AKT3: variants seen among roughly 807,000 people sequenced by gnomAD.
AKT3 encodes the protein RAC-gamma serine/threonine-protein kinase.
Under a neutral mutation model 65.3 loss-of-function variants are expected in AKT3, and 15 were observed. The observed-to-expected ratio is 0.23, with a 90% confidence interval of 0.15 to 0.35. AKT3 has a LOEUF of 0.35. Among genes scored for constraint, AKT3 ranks in the 10% least tolerant of loss-of-function variants. The pLI, the probability that AKT3 is intolerant of heterozygous loss-of-function variation, is 1.00. For synonymous variants in AKT3, 206 were observed against 183.8 expected (o/e 1.12, Z -0.98); for missense variants, 243 against 576.5 (o/e 0.42, Z 5.92).
At chr1:243,586,101 C>T (rs1234753340) in intron 8 of AKT3, among the ~76,000 whole-genome samples, 1 of 152,140 alleles carries the variant, frequency 6.6e-6, no homozygotes, top group Admixed American at 6.6e-5. Flanking sequence ...AGAAGACATA[C>T]AAGCAGCCAC....
At chr1:243,729,577 C>G (rs1442578850) in intron 2 of AKT3, among the ~76,000 whole-genome samples, 1 of 152,036 alleles carries the variant, frequency 6.6e-6, no homozygotes, top group Admixed American at 6.5e-5. Flanking sequence ...AAAAAAAGAT[C>G]TGAAATCTAT....
chr1:243,830,789 A>C (rs1008321199), intron 2 of AKT3, among the ~76,000 whole-genome samples: 2 of 152,202 alleles, frequency 1.3e-5, no homozygotes, highest in Non-Finnish European at 2.9e-5. Flanking sequence ...CATAAAAACT[A>C]CAATATTCCC....
chr1:243,555,128 A>G (rs1461066074), intron 10 of AKT3, among the ~76,000 whole-genome samples: 1 of 152,210 alleles, frequency 6.6e-6, no homozygotes, highest in African/African-American at 2.4e-5. Flanking sequence ...ACATAATGCT[A>G]TAATTAGAAC....
rs75501435 is a variant in AKT3, at chr1:243,530,292, T to A, written c.1251+15218A>T. Reference sequence around the variant, plus strand: ...ACATGGATGGTTTAACTTCAGCAAATTTTTAAAAACCTGAAATCATACCAA... The same window carrying A: ...ACATGGATGGTTTAACTTCAGCAAAATTTTAAAAACCTGAAATCATACCAA... On this transcript the variant is annotated intron_variant, in intron 12 of 13. Coordinates refer to ENST00000673466, the MANE Select transcript of AKT3 (RefSeq NM_005465.7). Among the ~76,000 whole-genome samples the A allele has an allele frequency of 9.5e-3, 1,447 of 152,222 alleles. 20 individuals are homozygous for A. Among genetic ancestry groups the A allele is most frequent in the African/African-American group, 0.033 (1,364 of 41,524 alleles).
chr1:243,815,847 G>A (rs1427357704), intron 2 of AKT3, among the ~76,000 whole-genome samples: 2 of 151,472 alleles, frequency 1.3e-5, no homozygotes, highest in Non-Finnish European at 2.9e-5. Flanking sequence ...GAACTCCTGA[G>A]CTCAAGTGAT....
intron 2 of AKT3, among the ~76,000 whole-genome samples, chr1:243,777,410 G>T (rs1302480424): frequency 2.0e-5 from 3 of 152,190 alleles, no homozygotes; most frequent in Non-Finnish European, 4.4e-5. Flanking sequence ...CCACAGCATG[G>T]GTGTTGGGGA....
intron 8 of AKT3, among the ~76,000 whole-genome samples, chr1:243,576,432 G>C (rs924572302): frequency 2.0e-5 from 3 of 152,160 alleles, no homozygotes; most frequent in Non-Finnish European, 4.4e-5. Flanking sequence ...AATAGGAAGA[G>C]AGGAAGTAAA....
intron 2 of AKT3, among the ~76,000 whole-genome samples, chr1:243,737,784 GAAATA>G (rs1284237361): frequency 6.6e-6 from 1 of 152,106 alleles, no homozygotes; most frequent in African/African-American, 2.4e-5. Flanking sequence ...TAAATCAGAT[GAAATA>G]AAATCAGGAG....
chr1:243,792,756 C>T (rs1185119654), intron 2 of AKT3, among the ~76,000 whole-genome samples: 1 of 152,120 alleles, frequency 6.6e-6, no homozygotes, highest in Non-Finnish European at 1.5e-5. Context: ...AATGGCCATT[C>T]CTAGCATACT....
chr1:243,496,549 G>A (rs184042287), downstream of AKT3, among the ~76,000 whole-genome samples: 89 of 152,368 alleles, frequency 5.8e-4, no homozygotes, highest in African/African-American at 2.0e-3. Context: ...CGGACAGCAG[G>A]GGGGGAAGGG....
chr1:243,503,285 C>T lies in AKT3; in HGVS notation c.*1964G>A, dbSNP rs113768661. ...TTTAACCCCCGTCAGTCCCAGTGGC[C>T]CACCCACTGCCAGCAGTGGTTTCAT... On this transcript the variant is annotated 3_prime_UTR_variant, in exon 14 of 14. Transcript: ENST00000673466. 162 of 233,684 alleles carry T rather than the reference C, an allele frequency of 6.9e-4. 1 individual carries two copies. The highest frequency in any genetic ancestry group is 1.2e-3 in the Admixed American group (21 of 17,794). The allele number at this position is 233,684 out of a possible 1,614,324, so 14.5% of individuals were successfully genotyped here.
chr1:243,720,262 C>A (rs1435824180), intron 2 of AKT3, among the ~76,000 whole-genome samples: 1 of 151,952 alleles, frequency 6.6e-6, no homozygotes, highest in Non-Finnish European at 1.5e-5. Flanking sequence ...CGTGCCATTG[C>A]ACTCCAGCCT....
intron 2 of AKT3, among the ~76,000 whole-genome samples, chr1:243,754,391 A>T (rs1434831325): frequency 1.3e-5 from 2 of 152,186 alleles, no homozygotes; most frequent in African/African-American, 4.8e-5. Context: ...CAAAACCAGG[A>T]GTAGTGATGT....
At chr1:243,650,992 G>A (rs965868438) in intron 4 of AKT3, among the ~76,000 whole-genome samples, 2 of 152,136 alleles carry the variant, frequency 1.3e-5, no homozygotes, top group African/African-American at 4.8e-5. Flanking sequence ...ATTACTTTGG[G>A]CAGTATGACC....
In AKT3 at chr1:243,569,469, T is replaced by C. The variant is rs938136471; in HGVS notation, c.819+3457A>G. Among the ~76,000 whole-genome samples the C allele has an allele frequency of 6.6e-5, 10 of 152,140 alleles. 1 individual carries two copies. Among genetic ancestry groups the C allele is most frequent in the Admixed American group, 2.0e-4 (3 of 15,270 alleles). On this transcript the variant is annotated intron_variant, in intron 9 of 13. Coordinates refer to ENST00000673466, the MANE Select transcript of AKT3 (RefSeq NM_005465.7). The stretch of plus-strand genomic sequence containing the variant: ...AGAAGTGGGAGCTGGGGAAAGTGTC[T>C]TGAAGCTCAGCAAGCAAAGCAAGCA...
chr1:243,763,468 A>G (rs1689624430), intron 2 of AKT3, among the ~76,000 whole-genome samples: 1 of 152,084 alleles, frequency 6.6e-6, no homozygotes, highest in Non-Finnish European at 1.5e-5. Context: ...AAACCCATTC[A>G]GGACAAAAGA....
chr1:243,658,336 C>T (rs1681982497), intron 4 of AKT3, among the ~76,000 whole-genome samples: 1 of 152,042 alleles, frequency 6.6e-6, no homozygotes, highest in Admixed American at 6.6e-5. Context: ...ACAAATGATA[C>T]ACAGGTATTT....
intron 12 of AKT3, among the ~76,000 whole-genome samples, chr1:243,512,639 C>T (rs901368597): frequency 1.3e-5 from 2 of 152,140 alleles, no homozygotes; most frequent in Non-Finnish European, 2.9e-5. Flanking sequence ...TCTAATGGAT[C>T]ACGAAAAACA....
intron 12 of AKT3, among the ~76,000 whole-genome samples, chr1:243,513,386 C>T (rs1190992077): frequency 6.6e-6 from 1 of 152,026 alleles, no homozygotes; most frequent in Non-Finnish European, 1.5e-5. Context: ...ACAGTTCTCA[C>T]GGGGATAGGA....
Sources: gnomAD v4.1 joint callset for allele counts (sites outside exome capture counted in the v4.1 genomes callset) on GRCh38, gnomAD v4.1.1 for gene constraint, MANE v1.5 for transcripts, NCBI Gene and HGNC (gene_info 2026-07-23, HGNC 2026-07-21) for gene names.